Variants in ATP6V1A observed in about 807,000 individuals in gnomAD.
ATP6V1A encodes the protein V-type proton ATPase catalytic subunit A.
Under a neutral mutation model 70.1 loss-of-function variants are expected in ATP6V1A, and 18 were observed. The observed-to-expected ratio is 0.26, with a 90% confidence interval of 0.18 to 0.38. The LOEUF (loss-of-function observed/expected upper bound fraction) is 0.38. Ranked by LOEUF, ATP6V1A falls within the 10% of genes least tolerant of loss-of-function variation. ATP6V1A has a pLI of 1.00. For missense variants in ATP6V1A, 424 were observed against 772.4 expected (o/e 0.55, Z 5.35); for synonymous variants, 232 against 253.8 (o/e 0.91, Z 0.82).
intron 8 of ATP6V1A, among the ~76,000 whole-genome samples, chr3:113,790,568 C>T (rs1709080647): frequency 2.0e-5 from 3 of 152,050 alleles, no homozygotes; most frequent in South Asian, 4.1e-4. Context: ...TCTTTGGTTC[C>T]GTTTCCATCC....
At chr3:113,750,834 C>G (rs1708578074) in intron 1 of ATP6V1A, among the ~76,000 whole-genome samples, 1 of 152,136 alleles carries the variant, frequency 6.6e-6, no homozygotes, top group Admixed American at 6.5e-5. Flanking sequence ...CTGTGAGCAG[C>G]AGGTTTGGGG....
At chr3:113,748,655 A>AT (rs1708550924) in intron 1 of ATP6V1A, among the ~76,000 whole-genome samples, 1 of 152,224 alleles carries the variant, frequency 6.6e-6, no homozygotes, top group Admixed American at 6.5e-5. Context: ...TTAACAAAGT[A>AT]TTTTTATAGT....
intron 12 of ATP6V1A, 25 bp from the exon 13 acceptor site, chr3:113,803,558 C>T: frequency 1.3e-6 from 2 of 1,534,806 alleles, no homozygotes; most frequent in Non-Finnish European, 1.8e-6. Context: ...GAGTAAATGT[C>T]TAAAAATATC....
At chr3:113,748,220 C>T (rs1453994140) in intron 1 of ATP6V1A, among the ~76,000 whole-genome samples, 1 of 152,144 alleles carries the variant, frequency 6.6e-6, no homozygotes, top group African/African-American at 2.4e-5. Flanking sequence ...ATTGAAAATA[C>T]AGGTGTTGTC....
intron 7 of ATP6V1A, among the ~76,000 whole-genome samples, chr3:113,789,126 C>T (rs779646800): frequency 6.6e-6 from 1 of 152,176 alleles, no homozygotes; most frequent in Non-Finnish European, 1.5e-5. Context: ...CAGCTCACTG[C>T]AACCTCCACC....
rs78937782 is a variant in ATP6V1A at position 113,752,982 on chromosome 3, G to T, written c.-14+5869G>T. Among the ~76,000 whole-genome samples, 20 of 152,164 alleles carry T rather than the reference G, an allele frequency of 1.3e-4. No individual in the cohort carries two copies. In the East Asian group the frequency reaches 3.5e-3, roughly 26 times the overall value. ...GGAAACCTAAAAGTCATAAAAGTATGGATAGACACATGAGACTGCATGGAA... is the reference window on the plus strand; with the variant it reads ...GGAAACCTAAAAGTCATAAAAGTATTGATAGACACATGAGACTGCATGGAA... On this transcript the variant is annotated intron_variant, in intron 1 of 14. Transcript: ENST00000273398.
At chr3:113,809,039 CAGG>C (rs1308919919) in intron 14 of ATP6V1A, among the ~76,000 whole-genome samples, 5 of 151,840 alleles carry the variant, frequency 3.3e-5, no homozygotes, top group Non-Finnish European at 7.4e-5. Context: ...CACTTGAGAT[CAGG>C]AGTTCAAGAC....
At chr3:113,755,431 C>CAA (rs1184456240) in intron 1 of ATP6V1A, among the ~76,000 whole-genome samples, 6 of 38,056 alleles carry the variant, frequency 1.6e-4, no homozygotes, top group East Asian at 7.9e-4. Context: ...CATGTCTGTA[C>CAA]AAAAAAAAAA....
At chr3:113,748,863 A>G (rs1186012975) in intron 1 of ATP6V1A, among the ~76,000 whole-genome samples, 2 of 152,326 alleles carry the variant, frequency 1.3e-5, no homozygotes, top group East Asian at 1.9e-4. Context: ...CTGTAGATAT[A>G]TATATGTAGT....
intron 8 of ATP6V1A, among the ~76,000 whole-genome samples, chr3:113,790,361 A>C (rs899712769): frequency 2.6e-5 from 4 of 151,992 alleles, no homozygotes; most frequent in African/African-American, 9.7e-5. Flanking sequence ...AAGTGAATGT[A>C]AGACATTTAT....
chr3:113,788,237 T>C (rs1709057308), intron 6 of ATP6V1A, among the ~76,000 whole-genome samples: 1 of 152,190 alleles, frequency 6.6e-6, no homozygotes, highest in Middle Eastern at 3.2e-3. Context: ...TCTTTTCATA[T>C]ATCCCTCTTC....
intron 13 of ATP6V1A, among the ~76,000 whole-genome samples, chr3:113,805,016 AAAAC>A (rs1422121763): frequency 6.6e-6 from 1 of 152,224 alleles, no homozygotes; most frequent in Admixed American, 6.5e-5. Flanking sequence ...GCATTGTACA[AAAAC>A]AAACCCTCAG....
At position 113,811,815 on chromosome 3, in the gene ATP6V1A, G is replaced by A. The variant is rs955436007; in HGVS notation, c.*2388G>A. The A allele has an allele frequency of 2.6e-5, 4 of 152,576 alleles. No individual in the cohort carries two copies. Among genetic ancestry groups the A allele is most frequent in the African/African-American group, 7.2e-5 (3 of 41,440 alleles). 9.5% of individuals were successfully genotyped at this position (152,576 alleles called of 1,614,324 possible). A position where few individuals can be genotyped will look rare whatever the true frequency, so the allele number is the denominator to read the frequency against. On this transcript the variant is annotated 3_prime_UTR_variant, in exon 15 of 15. Transcript: ENST00000273398. ...TACAATGATCTTTTAAAAAGATGAT[G>A]CAGTTCTGTATTTATTGTGCTGTGT...
chr3:113,766,957 T>C lies in ATP6V1A; in HGVS notation c.-13-11784T>C, dbSNP rs1475826524. Among the ~76,000 whole-genome samples, 6 of 152,126 alleles carry C rather than the reference T, an allele frequency of 3.9e-5. No individual in the cohort carries two copies. The East Asian group carries it at 9.6e-4, about 24-fold the overall frequency. On this transcript the variant is annotated intron_variant, in intron 1 of 14. Transcript: ENST00000273398. Reference sequence around the variant, plus strand: ...TGGGCATCATCACTCTTTAGTTCTGTCCCCTATTTCTTAATCAAATAATAC... The same window carrying C: ...TGGGCATCATCACTCTTTAGTTCTGCCCCCTATTTCTTAATCAAATAATAC...
At chr3:113,776,808 A>G (rs888215478) in intron 1 of ATP6V1A, among the ~76,000 whole-genome samples, 2 of 152,152 alleles carry the variant, frequency 1.3e-5, no homozygotes, top group African/African-American at 2.4e-5. Flanking sequence ...GTTCTAATAT[A>G]GTCTTTATAC....
Position 113,795,902 on chromosome 3 carries a change from C to G in ATP6V1A, c.1253C>G (p.Ser418Cys). Residue 418 changes from serine (S) to cysteine (C), a missense_variant, in exon 11 of 15, where the codon TCT becomes TGT. This residue lies in a region of ATP6V1A where 58 missense variants were observed against 181.5 expected (regional missense o/e 0.32). Coordinates refer to ENST00000273398, the MANE Select transcript of ATP6V1A (RefSeq NM_001690.4). Reference sequence around the variant, plus strand: ...GTTTCTCCACCTGGTGGTGATTTTTCTGATCCAGTTACATCTGCCACTCTT... The same window carrying G: ...GTTTCTCCACCTGGTGGTGATTTTTGTGATCCAGTTACATCTGCCACTCTT... ...GAVSPPGGDF[S>C]DPVTSATLGI... 6.2e-7 allele frequency: 1 copy of G among 1,608,746 alleles called. No individual in the cohort carries two copies. Among genetic ancestry groups the G allele is most frequent in the Non-Finnish European group, 8.5e-7 (1 of 1,178,674 alleles).
intron 12 of ATP6V1A, among the ~76,000 whole-genome samples, chr3:113,803,010 C>T (rs970393847): frequency 3.9e-5 from 6 of 152,060 alleles, no homozygotes; most frequent in Admixed American, 3.9e-4. Flanking sequence ...GTGGAAGCAA[C>T]CCATATGTCC....
chr3:113,788,523 T>A (rs1474540473), intron 6 of ATP6V1A, among the ~76,000 whole-genome samples, 190 bp from the exon 7 acceptor site: 1 of 151,764 alleles, frequency 6.6e-6, no homozygotes, highest in African/African-American at 2.4e-5. Context: ...TTTTTGTAAT[T>A]TTAGTAGAGG....
At chr3:113,780,542 C>T (rs966029357) in intron 2 of ATP6V1A, among the ~76,000 whole-genome samples, 2 of 152,112 alleles carry the variant, frequency 1.3e-5, no homozygotes, top group Admixed American at 6.5e-5. Flanking sequence ...GAAAAGGGTC[C>T]ATGTCCCAGA....
Sources: allele counts gnomAD v4.1 joint callset (sites outside exome capture counted in the v4.1 genomes callset), GRCh38; gene constraint gnomAD v4.1.1; regional missense constraint gnomAD v4.1.1; transcripts MANE v1.5; gene names NCBI Gene and HGNC (gene_info 2026-07-23, HGNC 2026-07-21).